TTN: variants seen among roughly 807,000 people sequenced by gnomAD.
The protein encoded by TTN is titin, also known as connectin.
Under a neutral mutation model 3,223.0 loss-of-function variants are expected in TTN, and 1,525 were observed. That is an observed-to-expected ratio of 0.47 (90% CI 0.45 to 0.49). TTN has a LOEUF of 0.49. TTN is among the 20% of genes least tolerant of loss of function. TTN has a pLI of 0.00. For synonymous variants in TTN, 14,094 were observed against 15,161.0 expected (o/e 0.93, Z 5.17); for missense variants, 40,786 against 43,424.0 (o/e 0.94, Z 5.40).
At position 178,677,905 on chromosome 2, in the gene TTN, C is replaced by T. The variant is rs373191581; in HGVS notation, c.34007G>A (p.Arg11336His). 2.0e-5 allele frequency: 32 copies of T among 1,598,030 alleles called. No individual in the cohort carries two copies. The highest frequency in any genetic ancestry group is 1.7e-4 in the Middle Eastern group (1 of 5,978). ...EAPPPKVPKK[R>H]EPVPVPVALP... ...AGCTACAGGAACTGGAACTGGTTCA[C>T]GTTTCTTTGGCACTTTAAAGATATT... Residue 11336 changes from arginine (R) to histidine (H), a missense_variant, in exon 146 of 363, where the codon CGT becomes CAT. Physicochemically the swap from Arg to His is conservative, Grantham distance 29. Transcript: ENST00000589042.
intron 102 of TTN, 101 bp from the exon 103 acceptor site, chr2:178,705,458 T>C: frequency 6.5e-6 from 6 of 917,666 alleles, no homozygotes; most frequent in Non-Finnish European, 9.2e-6. Context: ...AGGTTTTCTA[T>C]GTTCTTTATT....
chr2:178,785,567 TTAGA>T, intron 15 of TTN, 49 bp downstream of exon 15: 1 of 1,611,424 alleles, frequency 6.2e-7, no homozygotes, highest in Middle Eastern at 2.0e-4. Context: ...GTTTCACAGG[TTAGA>T]TACTTATTTC....
At chr2:178,652,776 A>G in intron 200 of TTN, 40 bp from the exon 201 acceptor site, 1 of 1,606,296 alleles carries the variant, frequency 6.2e-7, no homozygotes, top group South Asian at 1.1e-5. Context: ...GGGGTTATGA[A>G]GACCACTAGA....
At position 178,766,377 on chromosome 2, in the gene TTN, A is replaced by G. The variant is rs753475829; in HGVS notation, c.9703+4T>C. The stretch of plus-strand genomic sequence containing the variant: ...AAAATATGCTGAAATCTGTCCCTAC[A>G]TACCATTGACATAGAGAGTGACAGA... On this transcript the variant is annotated splice_donor_region_variant and intron_variant, in intron 41 of 362. Coordinates refer to ENST00000589042, the MANE Select transcript of TTN (RefSeq NM_001267550.2). 6.3e-5 allele frequency: 101 copies of G among 1,595,442 alleles called. No individual in the cohort carries two copies. Among genetic ancestry groups the G allele is most frequent in the East Asian group, 3.1e-4 (14 of 44,784 alleles).
rs528711725 is a variant in TTN, at chr2:178,533,692, G to A, written c.102923C>T (p.Thr34308Ile). The A allele has an allele frequency of 1.9e-6, 3 of 1,613,924 alleles. No individual in the cohort carries two copies. The East Asian group carries it at 6.7e-5, about 36-fold the overall frequency. The change falls in exon 358 of 363, where the codon ACA (threonine) becomes ATA (isoleucine). Residue 34308 changes from threonine (T) to isoleucine (I), a missense_variant. Thr to Ile is a moderately conservative substitution (Grantham distance 89). Transcript: ENST00000589042. ...GTAAAGACCCTTGTCTGACTCAAAT[G>A]TGTACTTCTTGTCATTGTCACCTGG... is the stretch of plus-strand genomic sequence containing the variant. ...IKPGDNDKKY[T>I]FESDKGLYQL...
rs201632545 is a variant in TTN at position 178,565,727 on chromosome 2, T to G, written c.80405A>C (p.Glu26802Ala). 1 of 1,613,546 alleles carries G rather than the reference T, an allele frequency of 6.2e-7. No homozygotes were observed. The highest frequency in any genetic ancestry group is 8.5e-7 in the Non-Finnish European group (1 of 1,179,626). Residue 26802 changes from glutamate to alanine, a missense_variant, in exon 326 of 363, where the codon GAG becomes GCG. Physicochemically the swap from Glu to Ala is moderately radical, Grantham distance 107 (BLOSUM62 -1). Coordinates refer to ENST00000589042, the MANE Select transcript of TTN (RefSeq NM_001267550.2). ...VSQTSASLMW[E>A]KPEHDGGSRV... ...GCTACCGCCATCATGTTCAGGTTTC[T>G]CCCACATAAGTGATGCACTGGTCTG...
intron 213 of TTN, among the ~76,000 whole-genome samples, chr2:178,648,810 G>A (rs1234938869): frequency 3.9e-5 from 6 of 152,076 alleles, no homozygotes; most frequent in Non-Finnish European, 2.9e-5. Context: ...TTTTCTTGCC[G>A]TGTGTTTCTG....
chr2:178,721,322 C>G, intron 78 of TTN, 120 bp from the exon 79 acceptor site: 1 of 851,300 alleles, frequency 1.2e-6, no homozygotes, highest in Non-Finnish European at 1.6e-6. Flanking sequence ...TAAGAATATA[C>G]TTTCTGAGGA....
rs747377960 is a variant in TTN, at chr2:178,652,189, ATAT to A, written c.39212-13_39212-11del. The A allele has an allele frequency of 1.8e-5, 29 of 1,612,032 alleles. No homozygotes were observed. The South Asian group carries it at 3.2e-4, about 18-fold the overall frequency. ...TTTGGCACCTCTGGGACTTTAAAAGATATTATTATTTTCATTGTTAGACAAAGT... is the reference window on the plus strand; with the variant it reads ...TTTGGCACCTCTGGGACTTTAAAAGATATTATTTTCATTGTTAGACAAAGT... On this transcript the variant is annotated splice_polypyrimidine_tract_variant and intron_variant, in intron 203 of 362. Transcript: ENST00000589042.
Position 178,733,508 on chromosome 2 carries a change from T to A in TTN, c.15785A>T (p.Lys5262Ile). ...GATCAGTTCTGCTCGCTCAATGATT[T>A]TGGCAGGTTCTACAATGGTATGAAA... ...VGELIVKEPAKIIERAELIQV... is the reference protein window; with the variant it reads ...VGELIVKEPAIIIERAELIQV... The change falls in exon 54 of 363, where the codon AAA becomes ATA. Residue 5262 changes from lysine to isoleucine, a missense_variant. Transcript: ENST00000589042. The A allele has an allele frequency of 1.2e-6, 2 of 1,610,140 alleles. No individual in the cohort carries two copies. Among genetic ancestry groups the A allele is most frequent in the Non-Finnish European group, 1.7e-6 (2 of 1,177,210 alleles).
rs767662721 is a variant in TTN, at chr2:178,531,536, C to T, written c.105079G>A (p.Ala35027Thr). 1 of 1,613,978 alleles carries T rather than the reference C, an allele frequency of 6.2e-7. No homozygotes were observed. The highest frequency in any genetic ancestry group is 1.1e-5 in the South Asian group (1 of 91,080). The change falls in exon 358 of 363, where the codon GCA becomes ACA. Residue 35027 changes from alanine (A) to threonine (T), a missense_variant. Ala to Thr is a moderately conservative substitution (Grantham distance 58, BLOSUM62 0). Coordinates refer to ENST00000589042, the MANE Select transcript of TTN (RefSeq NM_001267550.2). ...TCCCCTCCTGTCACGTCCAACGTTGCATAGTCAGAAGCTTCGCCCTTGTAG... is the reference window on the plus strand; with the variant it reads ...TCCCCTCCTGTCACGTCCAACGTTGTATAGTCAGAAGCTTCGCCCTTGTAG... Reference protein sequence around the residue: ...TNYKGEASDYATLDVTGGDYT... With the variant: ...TNYKGEASDYTTLDVTGGDYT...
chr2:178,573,519 C>T lies in TTN; in HGVS notation c.72613G>A (p.Val24205Met). 1.6e-5 allele frequency: 24 copies of T among 1,498,140 alleles called. No homozygotes were observed. Among genetic ancestry groups the T allele is most frequent in the Non-Finnish European group, 2.0e-5 (22 of 1,126,626 alleles). The allele number at this position is 1,498,140 out of a possible 1,614,324, so 92.8% of individuals were successfully genotyped here. The change falls in exon 326 of 363, where the codon GTG becomes ATG. Residue 24205 changes from valine to methionine, a missense_variant. By Grantham distance (21) the Val-to-Met change is conservative. Transcript: ENST00000589042. ...FRVMAVNKYG[V>M]GEPLESEPVL... ...GGCTCTGATTCCAGTGGCTCTCCCA[C>T]TCCATATTTATTTACAGCCATGACA...
intron 47 of TTN, among the ~76,000 whole-genome samples, chr2:178,752,903 A>G (rs532856670): frequency 6.6e-6 from 1 of 152,204 alleles, no homozygotes; most frequent in Admixed American, 6.5e-5. Flanking sequence ...ATAAATTTTA[A>G]ATACAAAATT....
Position 178,785,716 on chromosome 2 carries a change from C to G in TTN, c.2397G>C (p.Thr799=), listed in dbSNP as rs369313128. The G allele has an allele frequency of 1.9e-6, 3 of 1,613,968 alleles. No homozygotes were observed. The highest frequency in any genetic ancestry group is 2.5e-6 in the Non-Finnish European group (3 of 1,179,996). Residue 799 remains threonine, a synonymous_variant, in exon 15 of 363, where the codon ACG becomes ACC. Transcript: ENST00000589042. ...SQIKKTTDLT[T]ERLVHVDKRP... ...GTTTATCCACATGGACTAATCTTTCCGTTGTTAGATCTGTAGTTTTCTTGA... is the reference window on the plus strand; with the variant it reads ...GTTTATCCACATGGACTAATCTTTCGGTTGTTAGATCTGTAGTTTTCTTGA...
Position 178,539,394 on chromosome 2 carries a change from T to C in TTN, c.98671A>G (p.Lys32891Glu), listed in dbSNP as rs768773826. The C allele has an allele frequency of 1.2e-6, 2 of 1,611,458 alleles. No homozygotes were observed. The highest frequency in any genetic ancestry group is 1.7e-6 in the Non-Finnish European group (2 of 1,177,850). The change falls in exon 352 of 363, where the codon AAA becomes GAA. Residue 32891 changes from lysine to glutamate, a missense_variant. By Grantham distance (56) the Lys-to-Glu change is moderately conservative (BLOSUM62 1). Coordinates refer to ENST00000589042, the MANE Select transcript of TTN (RefSeq NM_001267550.2). Reference protein sequence around the residue: ...PLKSEEPVTPKTPLNPPEPPS... With the variant: ...PLKSEEPVTPETPLNPPEPPS... ...AAAGGGCACTTACTCAATGGTGTTTTTGGTGTGACTGGTTCCTCAGATTTC... is the reference window on the plus strand; with the variant it reads ...AAAGGGCACTTACTCAATGGTGTTTCTGGTGTGACTGGTTCCTCAGATTTC...
At position 178,565,789 on chromosome 2, in the gene TTN, A is replaced by G. The variant is rs376500458; in HGVS notation, c.80343T>C (p.Pro26781=). 4 of 1,613,496 alleles carry G rather than the reference A, an allele frequency of 2.5e-6. No homozygotes were observed. Among genetic ancestry groups the G allele is most frequent in the Non-Finnish European group, 3.4e-6 (4 of 1,179,654 alleles). Residue 26781 remains proline, a synonymous_variant, in exon 326 of 363, where the codon CCT becomes CCC. Coordinates refer to ENST00000589042, the MANE Select transcript of TTN (RefSeq NM_001267550.2). Reference sequence around the variant, plus strand: ...TGAGTGTAACCTTTCCTGGTGGGGAAGGAGGTTCAGCAGCTTTCACGGCAT... The same window carrying G: ...TGAGTGTAACCTTTCCTGGTGGGGAGGGAGGTTCAGCAGCTTTCACGGCAT... ...TVDAVKAAEP[P]SPPGKVTLTD... is the part of the protein sequence containing the mutation.
In TTN at chr2:178,571,063, C is replaced by G. The variant is rs777923107; in HGVS notation, c.75069G>C (p.Val25023=). The G allele has an allele frequency of 3.7e-6, 6 of 1,612,606 alleles. No individual in the cohort carries two copies. The South Asian group carries it at 6.6e-5, about 18-fold the overall frequency. Residue 25023 remains valine (V), a synonymous_variant, in exon 326 of 363, where the codon GTG becomes GTC. Transcript: ENST00000589042. ...AGGTGGGTTTCTTCCACTGAAGAGT[C>G]ACAGAATTCCTTGTGACAATGATTG... is the stretch of plus-strand genomic sequence containing the variant. ...PEAIIVTRNS[V]TLQWKKPTYD...
rs1574982376 is a variant in TTN at position 178,799,824 on chromosome 2, C to T, written c.669+1G>A. ...TGAAAACCAACAGTATAGAAAAATA[C>T]CTTTTCAATTCGGGTTTGTCTTGAT... On this transcript the variant is annotated splice_donor_variant, in intron 5 of 362. Coordinates refer to ENST00000589042, the MANE Select transcript of TTN (RefSeq NM_001267550.2). LOFTEE classifies it high-confidence loss of function. 1 of 1,614,120 alleles carries T rather than the reference C, an allele frequency of 6.2e-7. No individual in the cohort carries two copies. Among genetic ancestry groups the T allele is most frequent in the Non-Finnish European group, 8.5e-7 (1 of 1,180,012 alleles).
At chr2:178,779,524 G>T in intron 22 of TTN, 62 bp from the exon 23 acceptor site, 1 of 1,100,398 alleles carries the variant, frequency 9.1e-7, no homozygotes, top group Non-Finnish European at 1.3e-6. Flanking sequence ...ATTATTTAAG[G>T]AGATGTATCT....
Sources: allele counts gnomAD v4.1 joint callset (sites outside exome capture counted in the v4.1 genomes callset), GRCh38; gene constraint gnomAD v4.1.1; transcripts MANE v1.5; gene names NCBI Gene and HGNC (gene_info 2026-07-23, HGNC 2026-07-21).